Variants in RPA2 observed in about 807,000 individuals in gnomAD.
RPA2 encodes replication protein A 32 kDa subunit.
Under a neutral mutation model 33.4 loss-of-function variants are expected in RPA2, and 22 were observed. That is an observed-to-expected ratio of 0.66 (90% CI 0.47 to 0.94). RPA2 has a LOEUF of 0.94. RPA2 is among the 40% of genes least tolerant of loss of function. RPA2 has a pLI of 0.00. For synonymous variants in RPA2, 109 were observed against 114.9 expected (o/e 0.95, Z 0.33); for missense variants, 279 against 329.9 (o/e 0.85, Z 1.19).
intron 5 of RPA2, among the ~76,000 whole-genome samples, 194 bp downstream of exon 5, chr1:27,897,439 C>T (rs1018235378): frequency 6.7e-5 from 10 of 150,126 alleles, no homozygotes; most frequent in African/African-American, 2.5e-4. Flanking sequence ...TCTGTTCTTT[C>T]TTTACCATTC....
chr1:27,914,774 C>G (rs1289080599), upstream of RPA2: 1 of 1,182,592 alleles, frequency 8.5e-7, no homozygotes, highest in Admixed American at 2.2e-5. Flanking sequence ...AGAGCGGTAT[C>G]GCAAGAAATC....
At chr1:27,897,514 G>T in intron 5 of RPA2, 119 bp downstream of exon 5, 1 of 598,196 alleles carries the variant, frequency 1.7e-6, no homozygotes, top group Non-Finnish European at 2.8e-6. Context: ...AAGAGAGTAA[G>T]AAATAACTTC....
chr1:27,906,858 AAGACTAAAAAAGTTCAAC>A lies in RPA2; in HGVS notation c.333+52_333+69del, dbSNP rs966019643. The A allele has an allele frequency of 3.9e-6, 4 of 1,033,544 alleles. No homozygotes were observed. In the African/African-American group the frequency reaches 6.6e-5, roughly 17 times the overall value. 64.0% of individuals were successfully genotyped at this position (1,033,544 alleles called of 1,614,324 possible). On this transcript the variant is annotated intron_variant, in intron 4 of 8. Transcript: ENST00000373912. ...TATTTTTATAAGAAAAAACTTTAAAAAGACTAAAAAAGTTCAACATCTCCACAGTTCCAAAGTAACCCC... is the reference window on the plus strand; with the variant it reads ...TATTTTTATAAGAAAAAACTTTAAAAATCTCCACAGTTCCAAAGTAACCCC...
At chr1:27,901,466 G>A (rs191590624) in intron 4 of RPA2, among the ~76,000 whole-genome samples, 9 of 151,626 alleles carry the variant, frequency 5.9e-5, no homozygotes, top group South Asian at 2.1e-4. Flanking sequence ...GGGTTCAAGC[G>A]ATTCTCCTGC....
In RPA2 at chr1:27,891,892, T is replaced by G; in HGVS notation, c.*271A>C. 1 of 400,280 alleles carries G rather than the reference T, an allele frequency of 2.5e-6. No homozygotes were observed. 24.8% of individuals were successfully genotyped at this position (400,280 alleles called of 1,614,324 possible). The stretch of plus-strand genomic sequence containing the variant: ...CTGGTAGCATCCTTCCAATTCCATC[T>G]ATCTTGATGTTGTAACAAGCTTATT... On this transcript the variant is annotated 3_prime_UTR_variant, in exon 9 of 9. Transcript: ENST00000373912.
At chr1:27,908,004 T>TG (rs548694403) in intron 2 of RPA2, among the ~76,000 whole-genome samples, 86 of 151,994 alleles carry the variant, frequency 5.7e-4, no homozygotes, top group African/African-American at 2.0e-3. Flanking sequence ...GCCAGCATTT[T>TG]GCATTTTTAG....
At position 27,894,312 on chromosome 1, in the gene RPA2, C is replaced by T. The variant is rs778270017; in HGVS notation, c.611G>A (p.Gly204Asp). 117 of 1,613,966 alleles carry T rather than the reference C, an allele frequency of 7.2e-5. No homozygotes were observed. The highest frequency in any genetic ancestry group is 9.7e-5 in the Non-Finnish European group (115 of 1,180,014). The change falls in exon 7 of 9, where the codon GGC becomes GAC. Residue 204 changes from glycine to aspartate, a missense_variant. Coordinates refer to ENST00000373912, the MANE Select transcript of RPA2 (RefSeq NM_002946.5). ...FGGNSFMPAN[G>D]LTVAQNQVLN... is the part of the protein sequence containing the mutation. ...TACCTGGTTTTGGGCCACAGTGAGG[C>T]CATTTGCTGGCATGAAGCTATTCCC...
chr1:27,907,540 T>C (rs933087990), intron 2 of RPA2, among the ~76,000 whole-genome samples: 18 of 152,122 alleles, frequency 1.2e-4, no homozygotes, highest in African/African-American at 4.1e-4. Flanking sequence ...TTCACCAAAA[T>C]GAATAGGTCA....
intron 4 of RPA2, among the ~76,000 whole-genome samples, chr1:27,903,755 C>T (rs931129580): frequency 6.7e-6 from 1 of 149,226 alleles, no homozygotes; most frequent in African/African-American, 2.5e-5. Context: ...TCACCAGGCA[C>T]GGTGGCATCA....
At chr1:27,901,909 G>A (rs2089971932) in intron 4 of RPA2, among the ~76,000 whole-genome samples, 1 of 151,892 alleles carries the variant, frequency 6.6e-6, no homozygotes, top group Non-Finnish European at 1.5e-5. Context: ...CTCATTATAA[G>A]AGGTCACTAT....
At chr1:27,913,621 T>C (rs1056216583) in intron 2 of RPA2, among the ~76,000 whole-genome samples, 1 of 149,994 alleles carries the variant, frequency 6.7e-6, no homozygotes, top group African/African-American at 2.5e-5. Flanking sequence ...AAAGAGACTA[T>C]TAATATAAGT....
At chr1:27,896,222 G>A (rs1364656085) in intron 6 of RPA2, among the ~76,000 whole-genome samples, 1 of 151,986 alleles carries the variant, frequency 6.6e-6, no homozygotes, top group Non-Finnish European at 1.5e-5. Flanking sequence ...TTGAGACAAG[G>A]TTGCTCTGTT....
In RPA2 at chr1:27,906,971, A is replaced by T. The variant is rs747856894; in HGVS notation, c.290T>A (p.Met97Lys). The T allele has an allele frequency of 1.5e-5, 25 of 1,613,794 alleles. No individual in the cohort carries two copies. Among genetic ancestry groups the T allele is most frequent in the African/African-American group, 4.0e-5 (3 of 74,856 alleles). Reference protein sequence around the residue: ...PTNIVYKIDDMTAAPMDVRQW... With the variant: ...PTNIVYKIDDKTAAPMDVRQW... ...GCGAACGTCCATGGGTGCAGCTGTC[A>T]TGTCATCTATTTTGTAAACAATGTT... Residue 97 changes from methionine to lysine, a missense_variant, in exon 4 of 9, where the codon ATG (methionine) becomes AAG (lysine). Around this residue, in one of 2 missense-constraint regions of RPA2, gnomAD observed 274 missense variants for 310.3 expected, o/e 0.88. Coordinates refer to ENST00000373912, the MANE Select transcript of RPA2 (RefSeq NM_002946.5).
intron 4 of RPA2, among the ~76,000 whole-genome samples, chr1:27,900,651 T>G (rs2089956649): frequency 6.6e-6 from 1 of 151,956 alleles, no homozygotes; most frequent in Non-Finnish European, 1.5e-5. Context: ...ATGGTAAAAC[T>G]TGAGTGGATG....
intron 2 of RPA2, among the ~76,000 whole-genome samples, 158 bp from the exon 3 acceptor site, chr1:27,907,440 A>T (rs748920260): frequency 6.6e-6 from 1 of 152,264 alleles, no homozygotes; most frequent in African/African-American, 2.4e-5. Context: ...AAGGTCATAT[A>T]GCAAACCAAT....
chr1:27,909,800 ATAT>A (rs2090075757), intron 2 of RPA2, among the ~76,000 whole-genome samples: 1 of 152,174 alleles, frequency 6.6e-6, no homozygotes, highest in African/African-American at 2.4e-5. Context: ...ACTAGGAATG[ATAT>A]TATAAAAATT....
At chr1:27,899,766 C>T (rs1040994867) in intron 4 of RPA2, among the ~76,000 whole-genome samples, 4 of 152,038 alleles carry the variant, frequency 2.6e-5, no homozygotes, top group South Asian at 2.1e-4. Flanking sequence ...CTGCAAGCTC[C>T]GCCTTATGGG....
At position 27,892,073 on chromosome 1, in the gene RPA2, C is replaced by T. The variant is rs41544618; in HGVS notation, c.*90G>A. ...ATAGATGAAACCTACTTCCTAGAAGCCCCCTGGCCAGACATATGCAGAGCT... is the reference window on the plus strand; with the variant it reads ...ATAGATGAAACCTACTTCCTAGAAGTCCCCTGGCCAGACATATGCAGAGCT... On this transcript the variant is annotated 3_prime_UTR_variant, in exon 9 of 9. Coordinates refer to ENST00000373912, the MANE Select transcript of RPA2 (RefSeq NM_002946.5). 5,809 of 975,804 alleles carry T rather than the reference C, an allele frequency of 6.0e-3. 33 individuals carry two copies. The highest frequency in any genetic ancestry group is 6.8e-3 in the Non-Finnish European group (4,334 of 639,044). 60.4% of individuals were successfully genotyped at this position (975,804 alleles called of 1,614,324 possible).
rs990596943 is a variant in RPA2, at chr1:27,891,788, A to G, written c.*375T>C. On this transcript the variant is annotated 3_prime_UTR_variant, in exon 9 of 9. Transcript: ENST00000373912. ...AGGTTTCTCGGCTAGGGCTCTGCCT[A>G]TAACGCCCTGGTCCTGCTCATCTTT... 1 of 172,436 alleles carries G rather than the reference A, an allele frequency of 5.8e-6. No homozygotes were observed. Among genetic ancestry groups the G allele is most frequent in the Non-Finnish European group, 1.2e-5 (1 of 81,062 alleles). 10.7% of individuals were successfully genotyped at this position (172,436 alleles called of 1,614,324 possible). A position where few individuals can be genotyped will look rare whatever the true frequency, so the allele number is the denominator to read the frequency against.
Sources: gnomAD v4.1 joint callset for allele counts (sites outside exome capture counted in the v4.1 genomes callset) on GRCh38, gnomAD v4.1.1 for gene constraint, gnomAD v4.1.1 regional missense constraint, MANE v1.5 for transcripts, NCBI Gene and HGNC (gene_info 2026-07-23, HGNC 2026-07-21) for gene names.